The following CDC73 variants were observed in gnomAD, a reference collection of about 807,000 sequenced individuals.
CDC73 encodes cell division cycle 73, also known as parafibromin.
CDC73 carries 21 observed loss-of-function variants against 83.7 expected under a neutral mutation model. That is an observed-to-expected ratio of 0.25 (90% CI 0.18 to 0.36). The LOEUF is 0.36. CDC73 is among the 10% of genes least tolerant of loss of function. The pLI, the probability that CDC73 is intolerant of heterozygous loss-of-function variation, is 1.00. For missense variants in CDC73, 342 were observed against 653.3 expected, an observed-to-expected ratio of 0.52 and a Z score of 5.19; for synonymous variants, 224 against 212.9, an observed-to-expected ratio of 1.05 and a Z score of -0.45.
chr1:193,169,582 A>G (rs1325849311), intron 10 of CDC73, among the ~76,000 whole-genome samples: 1 of 152,210 alleles, frequency 6.6e-6, no homozygotes, highest in Non-Finnish European at 1.5e-5. Context: ...GAATGGAGGC[A>G]GTTGCATAAT....
chr1:193,203,036 C>T (rs895433300), intron 10 of CDC73, among the ~76,000 whole-genome samples: 1 of 152,010 alleles, frequency 6.6e-6, no homozygotes, highest in Non-Finnish European at 1.5e-5. Flanking sequence ...ATGAAATTTA[C>T]ACTTGCAACT....
intron 13 of CDC73, among the ~76,000 whole-genome samples, chr1:193,213,522 T>G (rs1459100531): frequency 6.6e-6 from 1 of 152,194 alleles, no homozygotes; most frequent in Non-Finnish European, 1.5e-5. Context: ...ATTCAAAAAT[T>G]GTAATACATA....
chr1:193,126,118 T>C (rs919093404), intron 2 of CDC73, among the ~76,000 whole-genome samples: 16 of 152,256 alleles, frequency 1.1e-4, no homozygotes, highest in Non-Finnish European at 1.5e-4. Flanking sequence ...CCCGAAACGC[T>C]AAAAGTATTT....
At chr1:193,142,168 A>G in intron 7 of CDC73, 102 bp downstream of exon 7, 1 of 937,814 alleles carries the variant, frequency 1.1e-6, no homozygotes, top group Non-Finnish European at 1.7e-6. Flanking sequence ...TTTAGGTGGA[A>G]GTTTCAAGTT....
chr1:193,173,957 A>G (rs6428153), intron 10 of CDC73, among the ~76,000 whole-genome samples: 109,955 of 151,896 alleles, frequency 0.72, 40,068 homozygotes, highest in South Asian at 0.82. Context: ...TTTGTTGGTG[A>G]CAAAGTTGTA....
chr1:193,196,489 A>T (rs1238198417), intron 10 of CDC73, among the ~76,000 whole-genome samples: 2 of 152,144 alleles, frequency 1.3e-5, no homozygotes, highest in Non-Finnish European at 2.9e-5. Context: ...GACTTTTAGG[A>T]TGAGTTTTTC....
chr1:193,197,724 A>G (rs1187402025), intron 10 of CDC73, among the ~76,000 whole-genome samples: 1 of 151,862 alleles, frequency 6.6e-6, no homozygotes, highest in African/African-American at 2.4e-5. Flanking sequence ...TCAGGAGTTC[A>G]AGACCAGCCC....
chr1:193,244,567 A>C (rs34432661), intron 15 of CDC73, among the ~76,000 whole-genome samples: 3,697 of 152,100 alleles, frequency 0.024, 67 homozygotes, highest in Middle Eastern at 0.062. Context: ...AACCAACCAA[A>C]CAAACAAAGT....
At chr1:193,157,571 C>T (rs571883972) in intron 10 of CDC73, among the ~76,000 whole-genome samples, 10 of 152,338 alleles carry the variant, frequency 6.6e-5, no homozygotes, top group Admixed American at 1.3e-4. Context: ...CACATGGCAA[C>T]AGCCACATCC....
At chr1:193,226,992 C>T (rs2102052700) in intron 13 of CDC73, among the ~76,000 whole-genome samples, 1 of 152,036 alleles carries the variant, frequency 6.6e-6, no homozygotes, top group Non-Finnish European at 1.5e-5. Context: ...TTTAATCTTG[C>T]TGCTTGTTAT....
intron 10 of CDC73, among the ~76,000 whole-genome samples, chr1:193,167,304 C>T (rs1676449794): frequency 6.6e-6 from 1 of 152,140 alleles, no homozygotes; most frequent in African/African-American, 2.4e-5. Context: ...TTACTCCTGC[C>T]TGTAGTTTTT....
Position 193,122,230 on chromosome 1 carries a change from G to A in CDC73, c.30G>A (p.Gln10=), listed in dbSNP as rs764533991. 6.2e-7 allele frequency: 1 copy of A among 1,614,216 alleles called. No individual in the cohort carries two copies. The highest frequency in any genetic ancestry group is 2.2e-5 in the East Asian group (1 of 44,868). Reference sequence around the variant, plus strand: ...CGGACGTGCTTAGCGTCCTGCGACAGTACAACATCCAGAAGAAGGAGATTG... The same window carrying A: ...CGGACGTGCTTAGCGTCCTGCGACAATACAACATCCAGAAGAAGGAGATTG... MADVLSVLR[Q]YNIQKKEIVV... Residue 10 remains glutamine, a synonymous_variant, in exon 1 of 17, where the codon CAG becomes CAA. Transcript: ENST00000367435.
At chr1:193,239,110 C>CCTCACT (rs1453666683) in intron 15 of CDC73, among the ~76,000 whole-genome samples, 9 of 152,280 alleles carry the variant, frequency 5.9e-5, no homozygotes, top group African/African-American at 2.2e-4. Flanking sequence ...GACCTATATA[C>CCTCACT]CTCACTCACT....
chr1:193,198,203 G>T (rs1006891765), intron 10 of CDC73, among the ~76,000 whole-genome samples: 2 of 152,126 alleles, frequency 1.3e-5, no homozygotes, highest in Non-Finnish European at 2.9e-5. Context: ...TCTGATTGGG[G>T]GAAGCAGACA....
chr1:193,249,083 A>G (rs774660492), intron 15 of CDC73, among the ~76,000 whole-genome samples: 3 of 152,058 alleles, frequency 2.0e-5, no homozygotes, highest in Non-Finnish European at 2.9e-5. Context: ...GGCAGAGTCA[A>G]TCAGTGCAGC....
At chr1:193,166,530 A>G (rs1451730321) in intron 10 of CDC73, among the ~76,000 whole-genome samples, 4 of 152,178 alleles carry the variant, frequency 2.6e-5, no homozygotes, top group South Asian at 2.1e-4. Context: ...GGGATTGACA[A>G]ACCTCTTCTT....
At chr1:193,170,438 C>T (rs1310228063) in intron 10 of CDC73, among the ~76,000 whole-genome samples, 1 of 152,152 alleles carries the variant, frequency 6.6e-6, no homozygotes, top group Admixed American at 6.5e-5. Flanking sequence ...CCTTTTTCTA[C>T]ACAACTTTGC....
intron 10 of CDC73, among the ~76,000 whole-genome samples, chr1:193,158,113 ATTG>A (rs1006947714): frequency 4.6e-5 from 7 of 150,872 alleles, no homozygotes; most frequent in East Asian, 1.9e-4. Context: ...TGTATTTAGT[ATTG>A]TTAATGATAT....
chr1:193,189,353 G>A (rs12122868), intron 10 of CDC73, among the ~76,000 whole-genome samples: 5,997 of 152,232 alleles, frequency 0.039, 113 homozygotes, highest in Middle Eastern at 0.054. Context: ...GTAACTTTTT[G>A]TAGCAACCTA....
Sources: allele counts gnomAD v4.1 joint callset (sites outside exome capture counted in the v4.1 genomes callset), GRCh38; gene constraint gnomAD v4.1.1; transcripts MANE v1.5; gene names NCBI Gene and HGNC (gene_info 2026-07-23, HGNC 2026-07-21).